The following HIVEP2 variants were observed in gnomAD, a reference collection of about 807,000 sequenced individuals.
HIVEP2 encodes the protein transcription factor HIVEP2.
HIVEP2 carries 14 observed loss-of-function variants against 180.7 expected under a neutral mutation model. That is an observed-to-expected ratio of 0.08 (90% CI 0.05 to 0.12). HIVEP2 has a LOEUF of 0.12. Ranked by LOEUF, HIVEP2 falls within the 10% of genes least tolerant of loss-of-function variation. HIVEP2 has a pLI of 1.00. For missense variants in HIVEP2, 2,579 were observed against 3,008.5 expected, an observed-to-expected ratio of 0.86 and a Z score of 3.34; for synonymous variants, 1,184 against 1,136.4, an observed-to-expected ratio of 1.04 and a Z score of -0.84.
chr6:142,854,572 T>C (rs1325845403), intron 1 of HIVEP2, among the ~76,000 whole-genome samples: 1 of 152,202 alleles, frequency 6.6e-6, no homozygotes, highest in Non-Finnish European at 1.5e-5. Context: ...TGACATTTGT[T>C]TTTTAATTGA....
At chr6:142,758,462 C>T (rs908768703) in intron 9 of HIVEP2, among the ~76,000 whole-genome samples, 2 of 152,128 alleles carry the variant, frequency 1.3e-5, no homozygotes, top group African/African-American at 2.4e-5. Context: ...TGGGAGCTGG[C>T]AGTGTCTCCT....
At chr6:142,849,524 T>A (rs201161814) in intron 1 of HIVEP2, among the ~76,000 whole-genome samples, 243 of 152,108 alleles carry the variant, frequency 1.6e-3, no homozygotes, top group East Asian at 0.015. Context: ...TTTATTTTTT[T>A]TTTTTTTTGA....
At chr6:142,820,297 TTCTCTCTCTC>T (rs3057563) in intron 2 of HIVEP2, among the ~76,000 whole-genome samples, 1 of 148,282 alleles carries the variant, frequency 6.7e-6, no homozygotes, top group Non-Finnish European at 1.5e-5. Flanking sequence ...TCGCTCTCTC[TTCTCTCTCTC>T]TCTCTCTCTC....
chr6:142,931,288 C>G (rs1235508920), intron 1 of HIVEP2, among the ~76,000 whole-genome samples: 1 of 151,098 alleles, frequency 6.6e-6, no homozygotes, highest in Non-Finnish European at 1.5e-5. Context: ...CTATATAGTG[C>G]CTTACAGTAT....
intron 1 of HIVEP2, among the ~76,000 whole-genome samples, chr6:142,896,108 G>T (rs114236780): frequency 2.9e-4 from 44 of 152,216 alleles, no homozygotes; most frequent in African/African-American, 1.0e-3. Context: ...TGAAATGTTT[G>T]ATTATTGTCC....
chr6:142,762,989 T>C (rs944660802), intron 7 of HIVEP2, among the ~76,000 whole-genome samples: 8 of 152,194 alleles, frequency 5.3e-5, no homozygotes, highest in African/African-American at 1.9e-4. Flanking sequence ...TACAAATTAA[T>C]AAAAATCATC....
chr6:142,797,472 C>T (rs1210798708), intron 2 of HIVEP2, among the ~76,000 whole-genome samples: 2 of 152,068 alleles, frequency 1.3e-5, no homozygotes, highest in Non-Finnish European at 2.9e-5. Flanking sequence ...AGAATAGAGA[C>T]AATATCACCC....
At chr6:142,829,759 G>A (rs1775026835) in intron 2 of HIVEP2, among the ~76,000 whole-genome samples, 1 of 152,196 alleles carries the variant, frequency 6.6e-6, no homozygotes, top group Non-Finnish European at 1.5e-5. Flanking sequence ...TGGGGCTCAA[G>A]CCAACTGAGT....
At chr6:142,939,675 C>T (rs1027056058) in intron 1 of HIVEP2, among the ~76,000 whole-genome samples, 1 of 152,194 alleles carries the variant, frequency 6.6e-6, no homozygotes, top group African/African-American at 2.4e-5. Context: ...CATTTATACT[C>T]TACTCCCAAT....
At chr6:142,893,906 C>T (rs1215601186) in intron 1 of HIVEP2, among the ~76,000 whole-genome samples, 1 of 152,120 alleles carries the variant, frequency 6.6e-6, no homozygotes, top group Non-Finnish European at 1.5e-5. Flanking sequence ...CATTTCTGAG[C>T]CATGGCTCTT....
chr6:142,822,367 T>C (rs569016266), intron 2 of HIVEP2, among the ~76,000 whole-genome samples: 2 of 152,206 alleles, frequency 1.3e-5, no homozygotes, highest in Non-Finnish European at 2.9e-5. Flanking sequence ...TAATTCTTTA[T>C]TAATAATTAA....
intron 1 of HIVEP2, among the ~76,000 whole-genome samples, chr6:142,861,969 T>G (rs901929476): frequency 3.9e-5 from 6 of 152,140 alleles, no homozygotes; most frequent in Non-Finnish European, 7.4e-5. Flanking sequence ...CTGTAATAAT[T>G]AAAACCAACA....
At position 142,777,362 on chromosome 6, in the gene HIVEP2, C is replaced by T. The variant is rs1390182676; in HGVS notation, c.-432-1171G>A. Among the ~76,000 whole-genome samples the T allele has an allele frequency of 3.9e-5, 6 of 152,100 alleles. 1 individual carries two copies. In the East Asian group the frequency reaches 9.6e-4, roughly 24 times the overall value. The stretch of plus-strand genomic sequence containing the variant: ...AAGAAAAGCTTATTGCACCCTAGTA[C>T]GAAGACACATTGTTAATCCTATGGG... On this transcript the variant is annotated intron_variant, in intron 3 of 9. Coordinates refer to ENST00000367603, the MANE Select transcript of HIVEP2 (RefSeq NM_006734.4).
At chr6:142,854,089 G>A (rs1314495516) in intron 1 of HIVEP2, among the ~76,000 whole-genome samples, 1 of 152,094 alleles carries the variant, frequency 6.6e-6, no homozygotes, top group Non-Finnish European at 1.5e-5. Context: ...GCTCTGTGTT[G>A]TTCATAAAAA....
chr6:142,849,702 A>G (rs1288018703), intron 1 of HIVEP2, among the ~76,000 whole-genome samples: 3 of 151,880 alleles, frequency 2.0e-5, no homozygotes, highest in Non-Finnish European at 2.9e-5. Flanking sequence ...ATTTTTTTGT[A>G]GAGACAGGGT....
At chr6:142,822,055 T>C (rs1777056323) in intron 2 of HIVEP2, among the ~76,000 whole-genome samples, 1 of 152,206 alleles carries the variant, frequency 6.6e-6, no homozygotes, top group Admixed American at 6.5e-5. Context: ...AAGACCAGGG[T>C]TGAGGTGCCA....
chr6:142,820,244 C>T (rs547279205), intron 2 of HIVEP2, among the ~76,000 whole-genome samples: 6 of 151,774 alleles, frequency 4.0e-5, no homozygotes, highest in South Asian at 4.1e-4. Flanking sequence ...AGCAGCTGTA[C>T]GAAGACTGAT....
chr6:142,783,021 T>G (rs1367177223), intron 3 of HIVEP2, among the ~76,000 whole-genome samples: 1 of 152,212 alleles, frequency 6.6e-6, no homozygotes. Context: ...AATAATGCTA[T>G]TTTAATTATA....
At chr6:142,898,912 G>A (rs904137017) in intron 1 of HIVEP2, among the ~76,000 whole-genome samples, 3 of 152,122 alleles carry the variant, frequency 2.0e-5, no homozygotes, top group Non-Finnish European at 4.4e-5. Context: ...GGCTTTCATT[G>A]TTTTTTCGCT....
Sources: gnomAD v4.1 joint callset for allele counts (sites outside exome capture counted in the v4.1 genomes callset) on GRCh38, gnomAD v4.1.1 for gene constraint, MANE v1.5 for transcripts, NCBI Gene and HGNC (gene_info 2026-07-23, HGNC 2026-07-21) for gene names.